Variants in HS3ST1 observed in about 807,000 individuals in gnomAD.
HS3ST1 encodes heparan sulfate-glucosamine 3-sulfotransferase 1, also known as heparan sulfate glucosamine 3-O-sulfotransferase 1.
Under a neutral mutation model 20.7 loss-of-function variants are expected in HS3ST1, and 8 were observed. The observed-to-expected ratio is 0.39, with a 90% CI of 0.23 to 0.70. The LOEUF is 0.70. Ranked by LOEUF, HS3ST1 falls within the 30% of genes least tolerant of loss-of-function variation. The pLI is 0.46. For missense variants in HS3ST1, 436 were observed against 423.4 expected, an observed-to-expected ratio of 1.03 and a Z score of -0.26; for synonymous variants, 205 against 190.4, an observed-to-expected ratio of 1.08 and a Z score of -0.63.
intron 1 of HS3ST1, among the ~76,000 whole-genome samples, chr4:11,409,364 A>AC (rs1718556463): frequency 6.6e-6 from 1 of 152,130 alleles, no homozygotes; most frequent in South Asian, 2.1e-4. Flanking sequence ...ATAGGTTGAG[A>AC]CCCTAACCCT....
chr4:11,399,383 G>T lies in HS3ST1; in HGVS notation c.623C>A (p.Pro208Gln), dbSNP rs1231872635. Residue 208 changes from proline (P) to glutamine (Q), a missense_variant, in exon 2 of 2, where the codon CCG (proline) becomes CAG (glutamine). Transcript: ENST00000002596. This position sits in a 1 kb window ranked among gnomAD's most constrained non-coding sequence, Gnocchi z 5.1. The stretch of plus-strand genomic sequence containing the variant: ...GTCCACAATGTGGATGTGGCGCAGC[G>T]GGAAAAAGCGCAGCCAGTTCTGCAT... ...VHMQNWLRFF[P>Q]LRHIHIVDGD... 2 of 1,613,900 alleles carry T rather than the reference G, an allele frequency of 1.2e-6. No homozygotes were observed. Among genetic ancestry groups the T allele is most frequent in the African/African-American group, 1.3e-5 (1 of 74,902 alleles).
At chr4:11,412,108 A>G (rs556104004) in intron 1 of HS3ST1, among the ~76,000 whole-genome samples, 2 of 152,350 alleles carry the variant, frequency 1.3e-5, no homozygotes, top group South Asian at 2.1e-4. Context: ...TAAAGCTTCT[A>G]TTCAGGTAAT....
chr4:11,413,369 T>C (rs1278005290), intron 1 of HS3ST1, among the ~76,000 whole-genome samples: 1 of 151,880 alleles, frequency 6.6e-6, no homozygotes, highest in Non-Finnish European at 1.5e-5. Context: ...TATGGACGAT[T>C]GGGAGTGAGT....
At position 11,399,499 on chromosome 4, in the gene HS3ST1, C is replaced by T; in HGVS notation, c.507G>A (p.Lys169=). 6.2e-7 allele frequency: 1 copy of T among 1,614,028 alleles called. No homozygotes were observed. The highest frequency in any genetic ancestry group is 8.5e-7 in the Non-Finnish European group (1 of 1,180,000). ...GGAACTCCTCGATGGACGGGTAGGGCTTGTGCTTCTGCATGTGGTTGTAGA... is the reference window on the plus strand; with the variant it reads ...GGAACTCCTCGATGGACGGGTAGGGTTTGTGCTTCTGCATGTGGTTGTAGA... The part of the protein sequence containing the change: ...QVFYNHMQKH[K]PYPSIEEFLV... Residue 169 remains lysine (K), a synonymous_variant, in exon 2 of 2, where the codon AAG becomes AAA. Transcript: ENST00000002596. This position sits in a 1 kb window ranked among gnomAD's most constrained non-coding sequence, Gnocchi z 5.1.
At chr4:11,423,274 T>C (rs7660531) in intron 1 of HS3ST1, among the ~76,000 whole-genome samples, 55,921 of 152,000 alleles carry the variant, frequency 0.37, 10,511 homozygotes, top group East Asian at 0.46. Flanking sequence ...TGCTCAATAG[T>C]CAGTTTTATT....
At chr4:11,418,722 C>A (rs1718851178) in intron 1 of HS3ST1, among the ~76,000 whole-genome samples, 1 of 152,066 alleles carries the variant, frequency 6.6e-6, no homozygotes. Flanking sequence ...ACCAATAAAC[C>A]AAACCAAACC....
chr4:11,423,247 A>G lies in HS3ST1; in HGVS notation c.-109+5452T>C, dbSNP rs548552525. ...TAACACGTAATGCAATGCCGGGTAC[A>G]TGGCAGACAATAAACGTGCTCAATA... On this transcript the variant is annotated intron_variant, in intron 1 of 1. Transcript: ENST00000002596. 4.8e-4 allele frequency among the ~76,000 whole-genome samples: 73 copies of G among 152,232 alleles called. 1 individual carries two copies. The highest frequency in any genetic ancestry group is 1.7e-3 in the African/African-American group (70 of 41,564).
At position 11,398,272 on chromosome 4, in the gene HS3ST1, G is replaced by A. The variant is rs1718192474; in HGVS notation, c.*810C>T. 6.6e-6 allele frequency: 1 copy of A among 152,200 alleles called. No homozygotes were observed. Among genetic ancestry groups the A allele is most frequent in the Non-Finnish European group, 1.5e-5 (1 of 68,048 alleles). 9.4% of individuals were successfully genotyped at this position (152,200 alleles called of 1,614,324 possible). A position where few individuals can be genotyped will look rare whatever the true frequency, so the allele number is the denominator to read the frequency against. ...CACAGAACCGACAGGATGAAGACAC[G>A]CATAGATTTCGCAGTTTCTCTTTTC... On this transcript the variant is annotated 3_prime_UTR_variant, in exon 2 of 2. Transcript: ENST00000002596.
intron 1 of HS3ST1, among the ~76,000 whole-genome samples, chr4:11,412,097 A>T (rs1392414763): frequency 6.6e-6 from 1 of 152,220 alleles, no homozygotes; most frequent in Non-Finnish European, 1.5e-5. Context: ...CCAATAGCTG[A>T]TAAAGCTTCT....
intron 1 of HS3ST1, among the ~76,000 whole-genome samples, chr4:11,412,960 A>T (rs1342664633): frequency 6.6e-6 from 1 of 152,132 alleles, no homozygotes; most frequent in Non-Finnish European, 1.5e-5. Context: ...CCCTTCTAAG[A>T]AGAGGCCAGA....
At chr4:11,419,316 T>G (rs527941614) in intron 1 of HS3ST1, among the ~76,000 whole-genome samples, 22 of 152,142 alleles carry the variant, frequency 1.4e-4, no homozygotes, top group African/African-American at 5.3e-4. Flanking sequence ...ATTATATAAA[T>G]TAAGACTAAA....
Position 11,410,249 on chromosome 4 carries a change from G to T in HS3ST1, c.-108-10136C>A, listed in dbSNP as rs150949170. On this transcript the variant is annotated intron_variant, in intron 1 of 1. Transcript: ENST00000002596. ...ATAATGTGGAAGATGCACGTGGAAG[G>T]AATGAATGACTAGACCTCAGAGTAG... 2.0e-3 allele frequency among the ~76,000 whole-genome samples: 312 copies of T among 152,264 alleles called. 1 individual carries two copies. Among genetic ancestry groups the T allele is most frequent in the South Asian group, 6.4e-3 (31 of 4,824 alleles).
At chr4:11,433,767 A>G (rs1282226481), upstream of HS3ST1, among the ~76,000 whole-genome samples, 1 of 152,250 alleles carries the variant, frequency 6.6e-6, no homozygotes, top group Non-Finnish European at 1.5e-5. Flanking sequence ...TGTGCTAGGT[A>G]CATGGGTAGA....
intron 1 of HS3ST1, among the ~76,000 whole-genome samples, chr4:11,423,817 T>A (rs1338583134): frequency 6.6e-6 from 1 of 152,152 alleles, no homozygotes; most frequent in Non-Finnish European, 1.5e-5. Flanking sequence ...CTTGCCTCGA[T>A]ATTCTGAACA....
intron 1 of HS3ST1, among the ~76,000 whole-genome samples, chr4:11,413,539 A>C (rs537960669): frequency 9.2e-5 from 14 of 152,270 alleles, no homozygotes; most frequent in African/African-American, 2.9e-4. Context: ...CACAATTCAG[A>C]GTCAAGGCCT....
intron 1 of HS3ST1, among the ~76,000 whole-genome samples, chr4:11,428,237 C>G (rs73222107): frequency 0.022 from 3,358 of 152,350 alleles, 56 homozygotes; most frequent in Middle Eastern, 0.054. Flanking sequence ...TTCTCCACCC[C>G]CAAAGGCTCC....
intron 1 of HS3ST1, chr4:11,414,279 T>A (rs1718709965): frequency 1.3e-5 from 2 of 152,242 alleles, no homozygotes; most frequent in East Asian, 3.9e-4. Flanking sequence ...GCCTGTGGCA[T>A]ATAATTGTTG....
At chr4:11,411,610 C>G (rs563865109) in intron 1 of HS3ST1, among the ~76,000 whole-genome samples, 6 of 152,234 alleles carry the variant, frequency 3.9e-5, no homozygotes, top group African/African-American at 1.4e-4. Context: ...CACACAGCCC[C>G]CTCTGTAATC....
In HS3ST1 at chr4:11,399,919, C is replaced by T; in HGVS notation, c.87G>A (p.Glu29=). 4 of 1,602,228 alleles carry T rather than the reference C, an allele frequency of 2.5e-6. No individual in the cohort carries two copies. Among genetic ancestry groups the T allele is most frequent in the Non-Finnish European group, 3.4e-6 (4 of 1,176,544 alleles). Residue 29 remains glutamate, a synonymous_variant, in exon 2 of 2, where the codon GAG becomes GAA. Coordinates refer to ENST00000002596, the MANE Select transcript of HS3ST1 (RefSeq NM_005114.4). The surrounding 1 kb of genome is among the most constrained non-coding windows in gnomAD (Gnocchi z 5.1). The part of the protein sequence containing the change: ...PSRPAELGQQ[E]LLRKAGTLQD... The stretch of plus-strand genomic sequence containing the variant: ...GGAGGGTCCCCGCTTTCCGCAGAAG[C>T]TCCTGCTGGCCTAGCTCGGCGGGGC...
Sources: allele counts gnomAD v4.1 joint callset (sites outside exome capture counted in the v4.1 genomes callset), GRCh38; gene constraint gnomAD v4.1.1; non-coding constraint Gnocchi (gnomAD v3.1); transcripts MANE v1.5; gene names NCBI Gene and HGNC (gene_info 2026-07-23, HGNC 2026-07-21).